The following FBLN1 variants were observed in gnomAD, a reference collection of about 807,000 sequenced individuals.
FBLN1 encodes the protein fibulin 1, also known as fibulin-1.
FBLN1 carries 34 observed loss-of-function variants against 89.7 expected under a neutral mutation model. The ratio of observed to expected loss-of-function variants is 0.38; its 90% CI spans 0.29 to 0.50. The LOEUF is 0.50. Among genes scored for constraint, FBLN1 ranks in the 20% least tolerant of loss-of-function variants. The pLI, the probability that FBLN1 is intolerant of heterozygous loss-of-function variation, is 0.92. For missense variants in FBLN1, 777 were observed against 988.1 expected (o/e 0.79, Z 2.86); for synonymous variants, 393 against 391.3 (o/e 1.00, Z -0.05).
At chr22:45,594,533 G>C (rs558212024) in intron 16 of FBLN1, among the ~76,000 whole-genome samples, 1 of 152,074 alleles carries the variant, frequency 6.6e-6, no homozygotes, top group African/African-American at 2.4e-5. Context: ...GTGCAGAGTA[G>C]CCTCTAATGG....
Position 45,525,624 on chromosome 22 carries a change from C to T in FBLN1, c.267C>T (p.Asp89=). Residue 89 remains aspartate (D), a synonymous_variant, in exon 3 of 17, where the codon GAC becomes GAT. Transcript: ENST00000327858. ...ATGISLANEQ[D]RCATPHGDNA... is the part of the protein sequence containing the mutation. ...GCATCAGCCTGGCCAACGAGCAGGA[C>T]CGCTGTGCCACGCCCCACGGTGACA... 1 of 1,551,144 alleles carries T rather than the reference C, an allele frequency of 6.4e-7. No individual in the cohort carries two copies. The highest frequency in any genetic ancestry group is 8.7e-7 in the Non-Finnish European group (1 of 1,146,956).
At chr22:45,525,040 CACT>C (rs1336716095) in intron 2 of FBLN1, among the ~76,000 whole-genome samples, 1 of 151,556 alleles carries the variant, frequency 6.6e-6, no homozygotes, top group Non-Finnish European at 1.5e-5. Flanking sequence ...GCTGAGATCA[CACT>C]ACTACACTCC....
intron 14 of FBLN1, among the ~76,000 whole-genome samples, chr22:45,559,321 C>T (rs2042955944): frequency 6.6e-6 from 1 of 152,220 alleles, no homozygotes; most frequent in African/African-American, 2.4e-5. Flanking sequence ...TCTGCACAGG[C>T]CAAATGGGAG....
At chr22:45,534,764 C>T (rs1218963353) in intron 7 of FBLN1, among the ~76,000 whole-genome samples, 2 of 152,196 alleles carry the variant, frequency 1.3e-5, no homozygotes, top group Non-Finnish European at 2.9e-5. Context: ...GGAAGGGCAG[C>T]CCATCACATC....
At position 45,535,352 on chromosome 22, in the gene FBLN1, G is replaced by T. The variant is rs749250097; in HGVS notation, c.922+15G>T. 25 of 1,613,674 alleles carry T rather than the reference G, an allele frequency of 1.5e-5. No homozygotes were observed. Among genetic ancestry groups the T allele is most frequent in the Non-Finnish European group, 2.1e-5 (25 of 1,179,790 alleles). On this transcript the variant is annotated intron_variant, in intron 8 of 16. Transcript: ENST00000327858. The stretch of plus-strand genomic sequence containing the variant: ...CAACTGTATTGGTAAGAGGTGTGCC[G>T]CCAGGATTAGCGGGTTATTCCAGGA...
At chr22:45,512,349 C>G (rs546912728) in intron 1 of FBLN1, among the ~76,000 whole-genome samples, 1 of 152,012 alleles carries the variant, frequency 6.6e-6, no homozygotes, top group Non-Finnish European at 1.5e-5. Flanking sequence ...TGTTGACCCC[C>G]GCAGAACTCT....
chr22:45,523,252 G>T, intron 2 of FBLN1: 1 of 731,304 alleles, frequency 1.4e-6, no homozygotes, highest in South Asian at 1.5e-5. Context: ...GCCAGCAACG[G>T]CCAGTCCCAG....
Position 45,556,113 on chromosome 22 carries a change from A to C in FBLN1, c.1697+5498A>C, listed in dbSNP as rs1331273737. On this transcript the variant is annotated intron_variant, in intron 14 of 16. Transcript: ENST00000327858. This position sits in a 1 kb window ranked among gnomAD's most constrained non-coding sequence, Gnocchi z 4.6. ...CGAGTTCAAGTGATTATCCTGCCTCAGCCTCCTGAGTAGCTGAGATTACAG... is the reference window on the plus strand; with the variant it reads ...CGAGTTCAAGTGATTATCCTGCCTCCGCCTCCTGAGTAGCTGAGATTACAG... Among the ~76,000 whole-genome samples the C allele has an allele frequency of 6.6e-6, 1 of 152,164 alleles. No homozygotes were observed. The highest frequency in any genetic ancestry group is 1.5e-5 in the Non-Finnish European group (1 of 68,022).
chr22:45,521,724 TC>T (rs774600264), intron 2 of FBLN1, among the ~76,000 whole-genome samples: 59 of 152,216 alleles, frequency 3.9e-4, no homozygotes, highest in South Asian at 8.3e-4. Flanking sequence ...CGCCCCAGCC[TC>T]CCCAACCTGG....
At position 45,574,777 on chromosome 22, in the gene FBLN1, CTTTTTTTTTT is replaced by C. The variant is rs756869112; in HGVS notation, c.1840+137_1840+146del. 1 of 452,008 alleles carries C rather than the reference CTTTTTTTTTT, an allele frequency of 2.2e-6. No individual in the cohort carries two copies. Among genetic ancestry groups the C allele is most frequent in the Non-Finnish European group, 3.8e-6 (1 of 263,550 alleles). 28.0% of individuals were successfully genotyped at this position (452,008 alleles called of 1,614,324 possible). ...CCCAGGCTTTGAAATGCAGAACTTT[CTTTTTTTTTT>C]TTTTTTTTTTTTGAGACGGAGTCTC... is the stretch of plus-strand genomic sequence containing the variant. On this transcript the variant is annotated intron_variant, in intron 15 of 16. Transcript: ENST00000327858. This position sits in a 1 kb window ranked among gnomAD's most constrained non-coding sequence, Gnocchi z 4.1.
At position 45,597,829 on chromosome 22, in the gene FBLN1, A is replaced by G. The variant is rs2089199395; in HGVS notation, c.1973-2478A>G. Among the ~76,000 whole-genome samples, 1 of 152,224 alleles carries G rather than the reference A, an allele frequency of 6.6e-6. No homozygotes were observed. Among genetic ancestry groups the G allele is most frequent in the African/African-American group, 2.4e-5 (1 of 41,466 alleles). ...TAAAGCCCATGTTTGCTTAGGGAACAGCCTGAAATTCCACCCCAGCTGCTG... is the reference window on the plus strand; with the variant it reads ...TAAAGCCCATGTTTGCTTAGGGAACGGCCTGAAATTCCACCCCAGCTGCTG... On this transcript the variant is annotated intron_variant, in intron 16 of 16. Transcript: ENST00000327858. This position sits in a 1 kb window ranked among gnomAD's most constrained non-coding sequence, Gnocchi z 4.2.
chr22:45,573,308 G>T (rs1340442871), intron 14 of FBLN1, among the ~76,000 whole-genome samples: 1 of 151,974 alleles, frequency 6.6e-6, no homozygotes, highest in Non-Finnish European at 1.5e-5. Flanking sequence ...TTAAAAGGCA[G>T]AGCAAAAACT....
In FBLN1 at chr22:45,561,649, C is replaced by G. The variant is rs1037305341; in HGVS notation, c.1697+11034C>G. Among the ~76,000 whole-genome samples the G allele has an allele frequency of 1.1e-4, 17 of 152,320 alleles. No homozygotes were observed. Among genetic ancestry groups the G allele is most frequent in the African/African-American group, 3.8e-4 (16 of 41,570 alleles). On this transcript the variant is annotated intron_variant, in intron 14 of 16. Coordinates refer to ENST00000327858, the MANE Select transcript of FBLN1 (RefSeq NM_006486.3). The surrounding 1 kb of genome is among the most constrained non-coding windows in gnomAD (Gnocchi z 4.7). ...ATGAAAGAACTCCATCTTTAATATTCTCTTCCTCTAGAACCACTCCTGGTA... is the reference window on the plus strand; with the variant it reads ...ATGAAAGAACTCCATCTTTAATATTGTCTTCCTCTAGAACCACTCCTGGTA...
intron 14 of FBLN1, among the ~76,000 whole-genome samples, chr22:45,554,600 T>G (rs1427877396): frequency 6.6e-6 from 1 of 152,152 alleles, no homozygotes; most frequent in Admixed American, 6.5e-5. Context: ...GATAAATGCC[T>G]CAAGCAAGTC....
chr22:45,521,991 T>TTTTTTTC (rs2088257999), intron 2 of FBLN1, among the ~76,000 whole-genome samples: 2 of 152,248 alleles, frequency 1.3e-5, no homozygotes, highest in South Asian at 4.2e-4. Flanking sequence ...CAGCTCTTTT[T>TTTTTTTC]TTTTTTCTTT....
In FBLN1 at chr22:45,588,641, C is replaced by G. The variant is rs2089108487; in HGVS notation, c.1972+11533C>G. ...CCAAGGGGTTAAAAGGGGCTGGGAA[C>G]AGCCTCTTAGTCTCCAGAGCCTCCC... On this transcript the variant is annotated intron_variant, in intron 16 of 16. Coordinates refer to ENST00000327858, the MANE Select transcript of FBLN1 (RefSeq NM_006486.3). The surrounding 1 kb of genome is among the most constrained non-coding windows in gnomAD (Gnocchi z 5.1). 1.4e-5 allele frequency among the ~76,000 whole-genome samples: 2 copies of G among 145,108 alleles called. No homozygotes were observed. The highest frequency in any genetic ancestry group is 1.5e-4 in the Admixed American group (2 of 13,658).
At chr22:45,513,541 C>G (rs897912797) in intron 1 of FBLN1, among the ~76,000 whole-genome samples, 6 of 151,940 alleles carry the variant, frequency 3.9e-5, no homozygotes, top group African/African-American at 1.5e-4. Context: ...AGTGTATGGT[C>G]CAATGGTATT....
chr22:45,530,040 C>G lies in FBLN1; in HGVS notation c.485-1225C>G, dbSNP rs1449866131. 1.3e-5 allele frequency among the ~76,000 whole-genome samples: 2 copies of G among 151,710 alleles called. No individual in the cohort carries two copies. The highest frequency in any genetic ancestry group is 2.9e-5 in the Non-Finnish European group (2 of 67,994). On this transcript the variant is annotated intron_variant, in intron 4 of 16. Coordinates refer to ENST00000327858, the MANE Select transcript of FBLN1 (RefSeq NM_006486.3). This position sits in a 1 kb window ranked among gnomAD's most constrained non-coding sequence, Gnocchi z 5.4. ...AAGTCCAGGCTGTAGGGCCCCTGGT[C>G]ACAGAGGACCCGGGTCACCCGGGAC...
intron 16 of FBLN1, among the ~76,000 whole-genome samples, chr22:45,592,463 G>A (rs2089146866): frequency 6.6e-6 from 1 of 152,152 alleles, no homozygotes; most frequent in African/African-American, 2.4e-5. Context: ...GAGTAGCTGG[G>A]ATTATAGGCG....
Sources: allele counts gnomAD v4.1 joint callset (sites outside exome capture counted in the v4.1 genomes callset), GRCh38; gene constraint gnomAD v4.1.1; non-coding constraint Gnocchi (gnomAD v3.1); transcripts MANE v1.5; gene names NCBI Gene and HGNC (gene_info 2026-07-23, HGNC 2026-07-21).